GPC5: variants seen among roughly 807,000 people sequenced by gnomAD.
The protein encoded by GPC5 is glypican 5.
A neutral mutation model predicts 53.9 loss-of-function variants in GPC5; 47 were observed. The observed-to-expected ratio is 0.87, with a 90% CI of 0.69 to 1.11. GPC5 has a LOEUF of 1.11. Ranked by LOEUF, GPC5 falls within the 50% of genes most tolerant of loss-of-function variation. The probability of loss-of-function intolerance (pLI) is 0.00; values close to 1 mark genes in which losing one functional copy is unlikely to be tolerated. For missense variants in GPC5, 748 were observed against 713.1 expected (o/e 1.05, Z -0.56); for synonymous variants, 286 against 263.3 (o/e 1.09, Z -0.84).
chr13:92,693,648 A>G (rs1299480361), intron 7 of GPC5, among the ~76,000 whole-genome samples: 1 of 152,200 alleles, frequency 6.6e-6, no homozygotes, highest in East Asian at 1.9e-4. Context: ...TTCTGAGAGC[A>G]TTCAGTCATA....
At chr13:92,320,823 A>G (rs1186146640) in intron 7 of GPC5, among the ~76,000 whole-genome samples, 1 of 152,080 alleles carries the variant, frequency 6.6e-6, no homozygotes, top group African/African-American at 2.4e-5. Flanking sequence ...GAACCACCAC[A>G]TGATTTATGA....
chr13:92,331,682 G>GTT lies in GPC5; in HGVS notation c.1561+186703_1561+186704dup, dbSNP rs5805739. 4.0e-4 allele frequency among the ~76,000 whole-genome samples: 59 copies of GTT among 147,658 alleles called. 1 individual carries two copies. Among genetic ancestry groups the GTT allele is most frequent in the Admixed American group, 2.1e-3 (31 of 14,840 alleles). On this transcript the variant is annotated intron_variant, in intron 7 of 7. Transcript: ENST00000377067. ...ACAAATGATTAATAATATACATAGG[G>GTT]TTTTTTTTTTTGTCTGAATGCAGAG...
chr13:92,796,510 A>G (rs936853052), intron 7 of GPC5, among the ~76,000 whole-genome samples: 1 of 151,986 alleles, frequency 6.6e-6, no homozygotes, highest in African/African-American at 2.4e-5. Flanking sequence ...GTGTAATTTA[A>G]AAAGCAGGGG....
At chr13:92,409,623 C>G (rs1484615863) in intron 7 of GPC5, among the ~76,000 whole-genome samples, 1 of 152,064 alleles carries the variant, frequency 6.6e-6, no homozygotes, top group Non-Finnish European at 1.5e-5. Context: ...AAATTTAGCA[C>G]TATTTTCAGA....
At chr13:92,623,165 C>CA (rs200412340) in intron 7 of GPC5, among the ~76,000 whole-genome samples, 13,627 of 125,498 alleles carry the variant, frequency 0.11, 1,547 homozygotes, top group African/African-American at 0.3. Flanking sequence ...GATTCTATCT[C>CA]AAAAAAAAAA....
intron 7 of GPC5, among the ~76,000 whole-genome samples, chr13:92,765,028 T>C (rs1875339542): frequency 6.6e-6 from 1 of 152,186 alleles, no homozygotes; most frequent in African/African-American, 2.4e-5. Flanking sequence ...GCTAGATTTT[T>C]AAAGGCCTTT....
At chr13:92,277,847 A>C (rs1279882416) in intron 7 of GPC5, among the ~76,000 whole-genome samples, 2 of 151,928 alleles carry the variant, frequency 1.3e-5, no homozygotes, top group African/African-American at 2.4e-5. Context: ...AGGCATAGAA[A>C]TATGATGGGC....
intron 6 of GPC5, among the ~76,000 whole-genome samples, chr13:91,993,620 T>TCA (rs751256834): frequency 2.0e-5 from 3 of 152,028 alleles, no homozygotes; most frequent in East Asian, 1.9e-4. Flanking sequence ...GTGCACGCAC[T>TCA]CACACACACA....
intron 7 of GPC5, among the ~76,000 whole-genome samples, chr13:92,711,886 T>C (rs953062804): frequency 2.0e-5 from 3 of 151,878 alleles, no homozygotes; most frequent in Admixed American, 2.0e-4. Flanking sequence ...TTAATGAAGA[T>C]ACAACATATC....
At chr13:92,301,396 A>G (rs1441280796) in intron 7 of GPC5, among the ~76,000 whole-genome samples, 2 of 152,218 alleles carry the variant, frequency 1.3e-5, no homozygotes, top group African/African-American at 4.8e-5. Context: ...TGATGTGTAG[A>G]TAAGCACTAA....
intron 6 of GPC5, among the ~76,000 whole-genome samples, chr13:92,027,541 G>A (rs1405814204): frequency 6.6e-6 from 1 of 152,122 alleles, no homozygotes; most frequent in Non-Finnish European, 1.5e-5. Flanking sequence ...GATTTCACAA[G>A]CATTTTATCG....
intron 2 of GPC5, among the ~76,000 whole-genome samples, chr13:91,525,836 A>G (rs1400983308): frequency 6.6e-6 from 1 of 152,218 alleles, no homozygotes; most frequent in Non-Finnish European, 1.5e-5. Flanking sequence ...GTGATTAGGT[A>G]AAGGAAAGTA....
At chr13:92,531,001 A>C (rs548638979) in intron 7 of GPC5, among the ~76,000 whole-genome samples, 26 of 152,318 alleles carry the variant, frequency 1.7e-4, no homozygotes, top group Admixed American at 7.8e-4. Flanking sequence ...AAGCCCGAAT[A>C]CTGAGCAGGT....
At chr13:92,296,520 C>G (rs914120606) in intron 7 of GPC5, among the ~76,000 whole-genome samples, 5 of 152,138 alleles carry the variant, frequency 3.3e-5, no homozygotes, top group Non-Finnish European at 1.5e-5. Context: ...TCAGAGCCCT[C>G]GCTTGCTCTC....
At chr13:91,564,994 G>GGC (rs928752147) in intron 2 of GPC5, among the ~76,000 whole-genome samples, 3 of 2,354 alleles carry the variant, frequency 1.3e-3, no homozygotes, top group Non-Finnish European at 5.7e-3. Context: ...GCTTTTTTTT[G>GGC]GGGGGGGGTC....
chr13:91,641,717 A>G (rs149961367), intron 2 of GPC5, among the ~76,000 whole-genome samples: 2 of 152,312 alleles, frequency 1.3e-5, no homozygotes, highest in African/African-American at 4.8e-5. Flanking sequence ...ATGGTATCAT[A>G]TTTAGTTTAT....
At chr13:92,835,380 A>G (rs1878188251) in intron 7 of GPC5, among the ~76,000 whole-genome samples, 1 of 152,004 alleles carries the variant, frequency 6.6e-6, no homozygotes. Flanking sequence ...ATCCTTAAAT[A>G]ATAATACACA....
intron 6 of GPC5, among the ~76,000 whole-genome samples, chr13:91,947,880 A>G (rs2139054448): frequency 6.6e-6 from 1 of 152,222 alleles, no homozygotes; most frequent in East Asian, 1.9e-4. Flanking sequence ...TGTTGAGTTA[A>G]TGAAAGAATG....
chr13:91,634,981 A>G (rs1205744594), intron 2 of GPC5, among the ~76,000 whole-genome samples: 1 of 152,104 alleles, frequency 6.6e-6, no homozygotes, highest in African/African-American at 2.4e-5. Context: ...TGTGTTGCAG[A>G]ATATATAATT....
Sources: gnomAD v4.1 joint callset for allele counts (sites outside exome capture counted in the v4.1 genomes callset) on GRCh38, gnomAD v4.1.1 for gene constraint, MANE v1.5 for transcripts, NCBI Gene and HGNC (gene_info 2026-07-23, HGNC 2026-07-21) for gene names.